The following UGT1A9 variants were observed in gnomAD, a reference collection of about 807,000 sequenced individuals.
UGT1A9 encodes the protein UDP-glucuronosyltransferase 1A9.
A neutral mutation model predicts 45.0 loss-of-function variants in UGT1A9; 35 were observed. The observed-to-expected ratio is 0.78, with a 90% CI of 0.59 to 1.03. The LOEUF is 1.03. UGT1A9 is among the 50% of genes least tolerant of loss of function. The probability of loss-of-function intolerance (pLI) is 0.00; values close to 1 mark genes in which losing one functional copy is unlikely to be tolerated. For missense variants in UGT1A9, 687 were observed against 666.6 expected, an observed-to-expected ratio of 1.03 and a Z score of -0.34; for synonymous variants, 278 against 250.6, an observed-to-expected ratio of 1.11 and a Z score of -1.03.
At chr2:233,717,606 A>G (rs1201651374) in intron 1 of UGT1A9, among the ~76,000 whole-genome samples, 2 of 152,238 alleles carry the variant, frequency 1.3e-5, no homozygotes, top group Admixed American at 6.5e-5. Context: ...GAAAGTGGGC[A>G]CAGCCCAGAG....
Position 233,767,098 on chromosome 2 carries a change from T to C in UGT1A9, c.920T>C (p.Met307Thr). 1.2e-6 allele frequency: 2 copies of C among 1,614,160 alleles called. No homozygotes were observed. Among genetic ancestry groups the C allele is most frequent in the Non-Finnish European group, 8.5e-7 (1 of 1,180,018 alleles). The change falls in exon 2 of 5, where the codon ATG (methionine) becomes ACG (threonine). Residue 307 changes from methionine to threonine, a missense_variant. Transcript: ENST00000354728. Reference protein sequence around the residue: ...HGIVVFSLGSMVSEIPEKKAM... With the variant: ...HGIVVFSLGSTVSEIPEKKAM... ...ATTGTGGTTTTCTCTTTGGGATCAA[T>C]GGTCTCAGAAATTCCAGAGAAGAAA... is the stretch of plus-strand genomic sequence containing the variant.
At chr2:233,731,885 AT>A (rs2078216460) in intron 1 of UGT1A9, among the ~76,000 whole-genome samples, 2 of 152,268 alleles carry the variant, frequency 1.3e-5, no homozygotes, top group South Asian at 2.1e-4. Context: ...GGTTGAACTA[AT>A]TTACACTCCC....
chr2:233,675,973 T>A (rs1175855092), intron 1 of UGT1A9, among the ~76,000 whole-genome samples: 2 of 152,174 alleles, frequency 1.3e-5, no homozygotes, highest in Non-Finnish European at 2.9e-5. Flanking sequence ...TCACACAACA[T>A]CTTTCCATAC....
Position 233,767,101 on chromosome 2 carries a change from T to C in UGT1A9, c.923T>C (p.Val308Ala). ...GIVVFSLGSM[V>A]SEIPEKKAMA... ...GTGGTTTTCTCTTTGGGATCAATGG[T>C]CTCAGAAATTCCAGAGAAGAAAGCT... Residue 308 changes from valine to alanine, a missense_variant, in exon 2 of 5, where the codon GTC (valine) becomes GCC (alanine). Val to Ala is a moderately conservative substitution (Grantham distance 64). Coordinates refer to ENST00000354728, the MANE Select transcript of UGT1A9 (RefSeq NM_021027.3). The C allele has an allele frequency of 6.2e-7, 1 of 1,614,160 alleles. No individual in the cohort carries two copies. The highest frequency in any genetic ancestry group is 8.5e-7 in the Non-Finnish European group (1 of 1,180,020).
intron 1 of UGT1A9, among the ~76,000 whole-genome samples, chr2:233,712,689 G>T (rs550235910): frequency 6.6e-5 from 10 of 152,258 alleles, no homozygotes; most frequent in South Asian, 6.2e-4. Context: ...ATGAAATGGG[G>T]GTTCACAGCC....
intron 1 of UGT1A9, among the ~76,000 whole-genome samples, chr2:233,757,535 A>AATAAATATACATATACATATATATAT (rs1553619837): frequency 3.1e-4 from 27 of 88,234 alleles, no homozygotes; most frequent in African/African-American, 1.4e-3. Context: ...GCCTGTAAGG[A>AATAAATATACATATACATATATATAT]ATATATATAT....
chr2:233,721,938 A>G (rs2076981722), intron 1 of UGT1A9: 13 of 361,422 alleles, frequency 3.6e-5, no homozygotes, highest in South Asian at 2.7e-4. Flanking sequence ...TCCTTCAGAC[A>G]CTTGGTGGCT....
intron 1 of UGT1A9, among the ~76,000 whole-genome samples, chr2:233,680,491 A>G (rs142850766): frequency 0.018 from 2,813 of 152,292 alleles, 49 homozygotes; most frequent in Admixed American, 0.037. Flanking sequence ...GGAAGGAACC[A>G]TCTTGTGCTT....
intron 1 of UGT1A9, among the ~76,000 whole-genome samples, chr2:233,736,234 T>C (rs1035352456): frequency 6.6e-5 from 10 of 152,188 alleles, no homozygotes; most frequent in African/African-American, 2.4e-4. Flanking sequence ...TCTCTAACCT[T>C]GTCTTCTCAC....
intron 1 of UGT1A9, among the ~76,000 whole-genome samples, chr2:233,740,113 T>C (rs1443736417): frequency 6.6e-6 from 1 of 151,884 alleles, no homozygotes. Flanking sequence ...CCTTTGCTTA[T>C]CTCTCACCTT....
At chr2:233,719,495 T>C (rs749585950) in intron 1 of UGT1A9, 5 of 1,613,994 alleles carry the variant, frequency 3.1e-6, no homozygotes, top group Non-Finnish European at 4.2e-6. Context: ...ACATTTGCCA[T>C]ACTTTTTCTG....
chr2:233,750,083 G>A lies in UGT1A9; in HGVS notation c.856-16951G>A, dbSNP rs773064536. ...TGGAACTGGGTAACAGGCAGAGGTT[G>A]GAACAGTTTGGAGAGCTCAGAAGAA... is the stretch of plus-strand genomic sequence containing the variant. On this transcript the variant is annotated intron_variant, in intron 1 of 4. Transcript: ENST00000354728. Among the ~76,000 whole-genome samples the A allele has an allele frequency of 4.8e-4, 73 of 151,992 alleles. 1 individual carries two copies. The highest frequency in any genetic ancestry group is 9.7e-4 in the Non-Finnish European group (66 of 68,038).
Position 233,672,130 on chromosome 2 carries a change from C to T in UGT1A9, c.196C>T (p.Leu66=), listed in dbSNP as rs111722751. 1.2e-3 allele frequency: 1,888 copies of T among 1,614,174 alleles called. 26 individuals are homozygous for T. In the African/African-American group the frequency reaches 0.022, roughly 19 times the overall value. ...VVVMPEVSWQ[L]GRSLNCTVKT... is the part of the protein sequence containing the mutation. ...AGTCATGCCAGAGGTGAGTTGGCAA[C>T]TGGGAAGATCACTGAATTGCACAGT... The change falls in exon 1 of 5, where the codon CTG becomes TTG. Residue 66 remains leucine (L), a synonymous_variant. Coordinates refer to ENST00000354728, the MANE Select transcript of UGT1A9 (RefSeq NM_021027.3).
At chr2:233,682,227 G>A (rs1227040753) in intron 1 of UGT1A9, 6 of 1,614,074 alleles carry the variant, frequency 3.7e-6, no homozygotes, top group African/African-American at 1.3e-5. Flanking sequence ...GCCGATGCTC[G>A]CTGGACGGCA....
intron 1 of UGT1A9, among the ~76,000 whole-genome samples, chr2:233,714,209 C>A (rs1186715903): frequency 6.6e-6 from 1 of 152,132 alleles, no homozygotes; most frequent in Non-Finnish European, 1.5e-5. Flanking sequence ...ACTGATCCAT[C>A]CAATCTTGCT....
intron 1 of UGT1A9, among the ~76,000 whole-genome samples, chr2:233,749,453 C>A (rs1313864160): frequency 6.6e-6 from 1 of 151,804 alleles, no homozygotes; most frequent in Non-Finnish European, 1.5e-5. Flanking sequence ...TGGAGCAGAA[C>A]GAATTGGGAA....
At chr2:233,730,900 A>G (rs1224057230) in intron 1 of UGT1A9, among the ~76,000 whole-genome samples, 1 of 152,130 alleles carries the variant, frequency 6.6e-6, no homozygotes, top group Non-Finnish European at 1.5e-5. Context: ...CTACTCCTTT[A>G]CCAAAAATTT....
At chr2:233,747,803 A>G in intron 1 of UGT1A9, 1 of 1,613,426 alleles carries the variant, frequency 6.2e-7, no homozygotes, top group African/African-American at 1.3e-5. Context: ...TTCCTAAGTT[A>G]CTAACGACCA....
At chr2:233,739,740 T>C (rs541880710) in intron 1 of UGT1A9, among the ~76,000 whole-genome samples, 25 of 152,316 alleles carry the variant, frequency 1.6e-4, no homozygotes, top group Non-Finnish European at 3.2e-4. Context: ...AGATGAGACC[T>C]TGGACTATGG....
Sources: gnomAD v4.1 joint callset for allele counts (sites outside exome capture counted in the v4.1 genomes callset) on GRCh38, gnomAD v4.1.1 for gene constraint, MANE v1.5 for transcripts, NCBI Gene and HGNC (gene_info 2026-07-23, HGNC 2026-07-21) for gene names.